The following COBL variants were observed in gnomAD, a reference collection of about 807,000 sequenced individuals.
COBL encodes the protein protein cordon-bleu.
In COBL, 51 loss-of-function variants were observed where a neutral mutation model predicts 98.8. The observed-to-expected ratio is 0.52, with a 90% CI of 0.41 to 0.65. The LOEUF (loss-of-function observed/expected upper bound fraction) is 0.65, where lower values mean the gene tolerates loss of function less well. Ranked by LOEUF, COBL falls within the 30% of genes least tolerant of loss-of-function variation. The pLI is 0.00. For synonymous variants in COBL, 634 were observed against 651.7 expected (o/e 0.97, Z 0.41); for missense variants, 1,617 against 1,617.5 (o/e 1.00, Z 0.01).
intron 7 of COBL, among the ~76,000 whole-genome samples, chr7:51,066,661 G>A (rs1250917405): frequency 1.3e-5 from 2 of 152,176 alleles, no homozygotes; most frequent in African/African-American, 4.8e-5. Context: ...GGAAGGGGGT[G>A]CCACTTTAGC....
At chr7:51,159,117 C>T (rs1311971637) in intron 5 of COBL, among the ~76,000 whole-genome samples, 2 of 152,174 alleles carry the variant, frequency 1.3e-5, no homozygotes, top group East Asian at 1.9e-4. Flanking sequence ...GTTGCAGGCT[C>T]TCTGCAGCCC....
Position 51,026,669 on chromosome 7 carries a change from G to C in COBL, c.3385-4C>G. On this transcript the variant is annotated splice_region_variant and splice_polypyrimidine_tract_variant and intron_variant, in intron 10 of 12. Coordinates refer to ENST00000265136, the MANE Select transcript of COBL (RefSeq NM_015198.5). ...CCTCCCCGGTGTGTTCTGCCGTCTA[G>C]AATATTAACAGTGTCACACATTTCA... is the stretch of plus-strand genomic sequence containing the variant. 1 of 1,613,236 alleles carries C rather than the reference G, an allele frequency of 6.2e-7. No homozygotes were observed. Among genetic ancestry groups the C allele is most frequent in the Non-Finnish European group, 8.5e-7 (1 of 1,179,590 alleles).
chr7:51,223,353 T>C (rs2129093241), intron 1 of COBL, among the ~76,000 whole-genome samples: 1 of 152,382 alleles, frequency 6.6e-6, no homozygotes, highest in Non-Finnish European at 1.5e-5. Flanking sequence ...AATTTTGGGC[T>C]GCTTTTGGGG....
At chr7:51,057,750 C>T (rs547932583) in intron 7 of COBL, among the ~76,000 whole-genome samples, 2 of 152,274 alleles carry the variant, frequency 1.3e-5, no homozygotes, top group African/African-American at 4.8e-5. Flanking sequence ...TCAGCAAAAC[C>T]CACCAACACT....
chr7:51,245,205 C>T (rs1796186696), intron 1 of COBL, among the ~76,000 whole-genome samples: 1 of 152,168 alleles, frequency 6.6e-6, no homozygotes, highest in Non-Finnish European at 1.5e-5. Context: ...AAGTCCACAG[C>T]TCCCTGAAAC....
chr7:51,229,305 C>T (rs73697838), intron 1 of COBL, among the ~76,000 whole-genome samples: 278 of 152,342 alleles, frequency 1.8e-3, no homozygotes, highest in African/African-American at 6.2e-3. Flanking sequence ...CTCCCGGCAA[C>T]GGAAATCTCA....
chr7:51,236,495 C>CCAT (rs1795271826), intron 1 of COBL, among the ~76,000 whole-genome samples: 1 of 152,148 alleles, frequency 6.6e-6, no homozygotes, highest in Non-Finnish European at 1.5e-5. Flanking sequence ...ACTTAGGGAT[C>CCAT]CATCCCCTTC....
intron 7 of COBL, chr7:51,065,045 C>A: frequency 7.9e-6 from 5 of 632,226 alleles, no homozygotes; most frequent in Non-Finnish European, 1.4e-5. Flanking sequence ...GTGAATAACA[C>A]TGATTTCAGG....
chr7:51,095,675 G>A (rs1361626194), intron 6 of COBL, among the ~76,000 whole-genome samples: 1 of 152,056 alleles, frequency 6.6e-6, no homozygotes, highest in African/African-American at 2.4e-5. Context: ...ACATAAATAG[G>A]CTGGAAGTAA....
At chr7:51,038,904 AG>A (rs892547457) in intron 8 of COBL, among the ~76,000 whole-genome samples, 25 of 152,328 alleles carry the variant, frequency 1.6e-4, no homozygotes, top group Non-Finnish European at 1.0e-4. Context: ...TGTCACAGCT[AG>A]GTCCTACATC....
chr7:51,283,631 C>T (rs539613428), intron 1 of COBL, among the ~76,000 whole-genome samples: 36 of 152,038 alleles, frequency 2.4e-4, no homozygotes, highest in African/African-American at 8.2e-4. Flanking sequence ...ATTACATGTG[C>T]GCACCACCAC....
chr7:51,288,664 G>T (rs1354858908), intron 1 of COBL, among the ~76,000 whole-genome samples: 2 of 152,016 alleles, frequency 1.3e-5, no homozygotes, highest in Non-Finnish European at 2.9e-5. Flanking sequence ...TGAGGCAGGA[G>T]AATCGCTTAA....
At chr7:51,101,877 TC>T (rs1372562570) in intron 6 of COBL, among the ~76,000 whole-genome samples, 1 of 152,102 alleles carries the variant, frequency 6.6e-6, no homozygotes, top group East Asian at 1.9e-4. Context: ...ATGTGTGTGT[TC>T]CCCCAAAATT....
chr7:51,270,957 A>AG lies in COBL; in HGVS notation c.41+45635dup, dbSNP rs35362602. 1.6e-4 allele frequency among the ~76,000 whole-genome samples: 25 copies of AG among 152,298 alleles called. No homozygotes were observed. The South Asian group carries it at 4.4e-3, about 27-fold the overall frequency. On this transcript the variant is annotated intron_variant, in intron 1 of 12. Transcript: ENST00000265136. Reference sequence around the variant, plus strand: ...ATTTAATTATTCCTATACAGACAGTAGGGGGGTCATGAGCTAAGGAGTGTG... The same window carrying AG: ...ATTTAATTATTCCTATACAGACAGTAGGGGGGGTCATGAGCTAAGGAGTGTG...
At chr7:51,258,779 C>A (rs1797425477) in intron 1 of COBL, among the ~76,000 whole-genome samples, 1 of 152,128 alleles carries the variant, frequency 6.6e-6, no homozygotes, top group Non-Finnish European at 1.5e-5. Context: ...ATCTTTAAGT[C>A]CTTTTTGAAA....
intron 5 of COBL, among the ~76,000 whole-genome samples, chr7:51,153,451 T>A (rs1785774364): frequency 6.6e-6 from 1 of 152,196 alleles, no homozygotes; most frequent in Non-Finnish European, 1.5e-5. Context: ...TCCTAATGCA[T>A]TTGTATATTA....
intron 7 of COBL, among the ~76,000 whole-genome samples, chr7:51,078,108 G>A (rs1793261442): frequency 1.3e-5 from 2 of 152,150 alleles, no homozygotes; most frequent in African/African-American, 2.4e-5. Flanking sequence ...TGACTTCCAC[G>A]TACCTCAGAG....
At chr7:51,057,957 G>C (rs997278156) in intron 7 of COBL, among the ~76,000 whole-genome samples, 3 of 152,120 alleles carry the variant, frequency 2.0e-5, no homozygotes, top group African/African-American at 7.2e-5. Flanking sequence ...CATTCTACCA[G>C]AGTTTTTAAA....
At chr7:51,042,389 T>C (rs1251148864) in intron 8 of COBL, among the ~76,000 whole-genome samples, 1 of 152,196 alleles carries the variant, frequency 6.6e-6, no homozygotes, top group Non-Finnish European at 1.5e-5. Context: ...AGACTGAGTC[T>C]TGTTCTATTG....
Sources: gnomAD v4.1 joint callset for allele counts (sites outside exome capture counted in the v4.1 genomes callset) on GRCh38, gnomAD v4.1.1 for gene constraint, MANE v1.5 for transcripts, NCBI Gene and HGNC (gene_info 2026-07-23, HGNC 2026-07-21) for gene names.